Variants in PDZRN3 observed in about 807,000 individuals in gnomAD.
PDZRN3 encodes the protein E3 ubiquitin-protein ligase PDZRN3.
Under a neutral mutation model 85.7 loss-of-function variants are expected in PDZRN3, and 38 were observed. The observed-to-expected ratio is 0.44, with a 90% CI of 0.34 to 0.58. PDZRN3 has a LOEUF of 0.58. Among genes scored for constraint, PDZRN3 ranks in the 20% least tolerant of loss-of-function variants. PDZRN3 has a pLI of 0.01. For synonymous variants in PDZRN3, 759 were observed against 638.0 expected, an observed-to-expected ratio of 1.19 and a Z score of -2.86; for missense variants, 1,629 against 1,506.4, an observed-to-expected ratio of 1.08 and a Z score of -1.35.
At chr3:73,439,064 C>A (rs928594645) in intron 3 of PDZRN3, among the ~76,000 whole-genome samples, 3 of 152,214 alleles carry the variant, frequency 2.0e-5, no homozygotes, top group African/African-American at 7.2e-5. Context: ...CAGGTGCCTC[C>A]TTATGGCACG....
intron 3 of PDZRN3, among the ~76,000 whole-genome samples, chr3:73,407,696 A>C (rs1013269688): frequency 7.9e-5 from 12 of 152,190 alleles, no homozygotes; most frequent in African/African-American, 2.9e-4. Flanking sequence ...CATTTTTATA[A>C]ACCAAATGCT....
At chr3:73,385,823 T>G in intron 8 of PDZRN3, 38 bp from the exon 9 acceptor site, 2 of 1,130,614 alleles carry the variant, frequency 1.8e-6, no homozygotes, top group Non-Finnish European at 2.7e-6. Flanking sequence ...CTTAGAAGTT[T>G]CCTTTCATGT....
At chr3:73,522,741 G>C (rs988550092) in intron 3 of PDZRN3, among the ~76,000 whole-genome samples, 1 of 152,152 alleles carries the variant, frequency 6.6e-6, no homozygotes, top group East Asian at 1.9e-4. Flanking sequence ...TGGCCAAAAC[G>C]AAGAGATATT....
At chr3:73,600,268 T>A (rs1193298930) in intron 3 of PDZRN3, among the ~76,000 whole-genome samples, 1 of 149,410 alleles carries the variant, frequency 6.7e-6, no homozygotes, top group Non-Finnish European at 1.5e-5. Context: ...AGACATCTGG[T>A]GGAAAACTAG....
At chr3:73,488,685 T>G (rs928614541) in intron 3 of PDZRN3, among the ~76,000 whole-genome samples, 1 of 152,232 alleles carries the variant, frequency 6.6e-6, no homozygotes, top group African/African-American at 2.4e-5. Flanking sequence ...CTTCCTATCT[T>G]TCTATTACCA....
intron 3 of PDZRN3, among the ~76,000 whole-genome samples, chr3:73,493,506 C>G (rs1390959709): frequency 6.6e-6 from 1 of 152,090 alleles, no homozygotes; most frequent in African/African-American, 2.4e-5. Context: ...ACCGCCCCCA[C>G]CTCCCCCAAG....
intron 3 of PDZRN3, among the ~76,000 whole-genome samples, chr3:73,538,775 T>TAGA (rs1302778241): frequency 1.3e-5 from 2 of 152,172 alleles, no homozygotes; most frequent in African/African-American, 4.8e-5. Context: ...ATGATGTAGG[T>TAGA]AGAGGCAAAC....
At chr3:73,535,817 A>C (rs1704771769) in intron 3 of PDZRN3, among the ~76,000 whole-genome samples, 1 of 152,226 alleles carries the variant, frequency 6.6e-6, no homozygotes, top group South Asian at 2.1e-4. Context: ...ACCATTTATT[A>C]CGCACCCACA....
intron 3 of PDZRN3, among the ~76,000 whole-genome samples, chr3:73,477,535 T>C (rs1169737201): frequency 6.6e-6 from 1 of 152,164 alleles, no homozygotes; most frequent in Non-Finnish European, 1.5e-5. Flanking sequence ...CCAACAGTAT[T>C]CCCTAATGTG....
intron 3 of PDZRN3, among the ~76,000 whole-genome samples, chr3:73,527,902 A>G (rs1171941425): frequency 1.3e-5 from 2 of 152,234 alleles, no homozygotes; most frequent in Non-Finnish European, 2.9e-5. Context: ...CGCATGAGGC[A>G]AAACACGAAC....
chr3:73,536,706 CT>C (rs1364099965), intron 3 of PDZRN3, among the ~76,000 whole-genome samples: 3 of 152,180 alleles, frequency 2.0e-5, no homozygotes, highest in Non-Finnish European at 2.9e-5. Flanking sequence ...TGTCCTGGTC[CT>C]TAAGTCCCAC....
intron 1 of PDZRN3, among the ~76,000 whole-genome samples, chr3:73,616,616 A>T (rs1367515925): frequency 6.6e-6 from 1 of 152,224 alleles, no homozygotes; most frequent in African/African-American, 2.4e-5. Context: ...AAACCAAATT[A>T]TTGAGTAACA....
chr3:73,383,950 G>A lies in PDZRN3; in HGVS notation c.2616C>T (p.His872=), dbSNP rs766209656. 2 of 1,602,924 alleles carry A rather than the reference G, an allele frequency of 1.2e-6. No individual in the cohort carries two copies. The highest frequency in any genetic ancestry group is 1.3e-5 in the African/African-American group (1 of 74,934). ...SYHHSPYKHA[H]IPAHAQHYQS... is the part of the protein sequence containing the mutation. Reference sequence around the variant, plus strand: ...GGTAGTGCTGGGCGTGCGCCGGGATGTGCGCGTGCTTGTATGGGGAGTGGT... The same window carrying A: ...GGTAGTGCTGGGCGTGCGCCGGGATATGCGCGTGCTTGTATGGGGAGTGGT... Residue 872 remains histidine (H), a synonymous_variant, in exon 10 of 10, where the codon CAC becomes CAT. Coordinates refer to ENST00000263666, the MANE Select transcript of PDZRN3 (RefSeq NM_015009.3).
At chr3:73,404,855 G>A (rs929552517) in intron 3 of PDZRN3, among the ~76,000 whole-genome samples, 1 of 152,080 alleles carries the variant, frequency 6.6e-6, no homozygotes, top group Non-Finnish European at 1.5e-5. Context: ...TAATCCTTTC[G>A]CTCTTTAAAA....
chr3:73,425,227 C>T (rs566472263), intron 3 of PDZRN3, among the ~76,000 whole-genome samples: 1 of 151,708 alleles, frequency 6.6e-6, no homozygotes, highest in Non-Finnish European at 1.5e-5. Flanking sequence ...CACCATTTAT[C>T]CACGATGGTC....
chr3:73,388,940 A>ATC (rs1189804285), intron 7 of PDZRN3, among the ~76,000 whole-genome samples: 1 of 139,794 alleles, frequency 7.2e-6, no homozygotes, highest in African/African-American at 3.1e-5. Flanking sequence ...CAAAAAAAAA[A>ATC]AAAAAAAAAA....
chr3:73,509,129 T>C (rs576217121), intron 3 of PDZRN3, among the ~76,000 whole-genome samples: 11 of 152,244 alleles, frequency 7.2e-5, no homozygotes, highest in Non-Finnish European at 1.5e-4. Flanking sequence ...AAGATATAAA[T>C]AGTAGTTTTT....
rs1017311180 is a variant in PDZRN3 at position 73,552,640 on chromosome 3, T to C, written c.918+49714A>G. On this transcript the variant is annotated intron_variant, in intron 3 of 9. Transcript: ENST00000263666. ...CTTAAGAGAAATGTGATTAAAACAT[T>C]ACTGACAAGGCATCGCTATTTATGT... is the stretch of plus-strand genomic sequence containing the variant. Among the ~76,000 whole-genome samples, 16 of 152,342 alleles carry C rather than the reference T, an allele frequency of 1.1e-4. No individual in the cohort carries two copies. In the East Asian group the frequency reaches 1.7e-3, roughly 17 times the overall value.
intron 3 of PDZRN3, among the ~76,000 whole-genome samples, chr3:73,578,361 G>A (rs1197885900): frequency 3.9e-5 from 6 of 151,938 alleles, no homozygotes; most frequent in Admixed American, 2.0e-4. Flanking sequence ...TATTAGAGAC[G>A]GGGTTTCACT....
Sources: gnomAD v4.1 joint callset for allele counts (sites outside exome capture counted in the v4.1 genomes callset) on GRCh38, gnomAD v4.1.1 for gene constraint, MANE v1.5 for transcripts, NCBI Gene and HGNC (gene_info 2026-07-23, HGNC 2026-07-21) for gene names.